KIF24: variants seen among roughly 807,000 people sequenced by gnomAD.
KIF24 encodes kinesin-like protein KIF24.
A neutral mutation model predicts 118.9 loss-of-function variants in KIF24; 81 were observed. The observed-to-expected ratio is 0.68, with a 90% CI of 0.57 to 0.82. The LOEUF (loss-of-function observed/expected upper bound fraction) is 0.82. Ranked by LOEUF, KIF24 falls within the 40% of genes least tolerant of loss-of-function variation. The pLI is 0.00. For synonymous variants in KIF24, 599 were observed against 610.0 expected (o/e 0.98, Z 0.27); for missense variants, 1,560 against 1,661.6 (o/e 0.94, Z 1.06).
chr9:34,285,220 G>A (rs1444167358), intron 6 of KIF24, among the ~76,000 whole-genome samples: 1 of 152,042 alleles, frequency 6.6e-6, no homozygotes, highest in Non-Finnish European at 1.5e-5. Context: ...AAATTCCTTT[G>A]GAAGGACACA....
At chr9:34,271,111 G>A (rs889711525) in intron 7 of KIF24, among the ~76,000 whole-genome samples, 2 of 151,932 alleles carry the variant, frequency 1.3e-5, no homozygotes, top group Non-Finnish European at 2.9e-5. Flanking sequence ...AAAGAAACAT[G>A]AGTGTCAGCT....
chr9:34,329,617 C>CCCACTTG (rs1837819787), upstream of KIF24: 1 of 152,288 alleles, frequency 6.6e-6, no homozygotes, highest in Non-Finnish European at 1.5e-5. Flanking sequence ...CCCTTAAGGG[C>CCCACTTG]CCACTTGATT....
chr9:34,321,603 CTTTTTT>C, intron 1 of KIF24, among the ~76,000 whole-genome samples: 1 of 99,234 alleles, frequency 1.0e-5, no homozygotes. Context: ...CATACTTCTT[CTTTTTT>C]TTTTTTTTTT....
At chr9:34,263,734 CTTAA>C (rs957153837) in intron 8 of KIF24, among the ~76,000 whole-genome samples, 10 of 132,414 alleles carry the variant, frequency 7.6e-5, no homozygotes, top group African/African-American at 2.6e-4. Context: ...TTATTTTTTT[CTTAA>C]TTTTTTTTTT....
intron 2 of KIF24, among the ~76,000 whole-genome samples, chr9:34,310,061 C>A (rs1349318184): frequency 6.6e-6 from 1 of 151,580 alleles, no homozygotes. Flanking sequence ...CTCTTAGGGA[C>A]CTTATTTCAA....
intron 8 of KIF24, among the ~76,000 whole-genome samples, chr9:34,264,607 T>C (rs2131685927): frequency 6.6e-6 from 1 of 152,126 alleles, no homozygotes; most frequent in African/African-American, 2.4e-5. Context: ...GTGAGGAAAT[T>C]TCCTCTTTTA....
chr9:34,280,283 CAAAAAAAAAAAAAAAAAA>C (rs56387532), intron 6 of KIF24, among the ~76,000 whole-genome samples: 1 of 64,456 alleles, frequency 1.6e-5, no homozygotes, highest in African/African-American at 8.2e-5. Flanking sequence ...GACTCCGTCT[CAAAAAAAAAAAAAAAAAA>C]AAAAAAAAAA....
intron 9 of KIF24, among the ~76,000 whole-genome samples, chr9:34,262,684 A>ATG (rs1291173579): frequency 4.2e-4 from 9 of 21,562 alleles, no homozygotes; most frequent in Non-Finnish European, 6.5e-4. Context: ...AAATATATAT[A>ATG]TATATATATA....
At position 34,318,516 on chromosome 9, in the gene KIF24, C is replaced by A; in HGVS notation, c.-25-7145G>T. 1 of 918,674 alleles carries A rather than the reference C, an allele frequency of 1.1e-6. No homozygotes were observed. The highest frequency in any genetic ancestry group is 1.7e-6 in the Non-Finnish European group (1 of 575,066). The allele number at this position is 918,674 out of a possible 1,614,324, so 56.9% of individuals were successfully genotyped here. A position where few individuals can be genotyped will look rare whatever the true frequency, so the allele number is the denominator to read the frequency against. ...CCTGGCACCGCAGAGAAGCTGAGCCCCAAGGCAGCCACGCTGGCCGAACAC... is the reference window on the plus strand; with the variant it reads ...CCTGGCACCGCAGAGAAGCTGAGCCACAAGGCAGCCACGCTGGCCGAACAC... On this transcript the variant is annotated intron_variant, in intron 1 of 12. Transcript: ENST00000402558. The surrounding 1 kb of genome is among the most constrained non-coding windows in gnomAD (Gnocchi z 4.9).
intron 7 of KIF24, among the ~76,000 whole-genome samples, chr9:34,270,264 C>T (rs1045208169): frequency 3.6e-4 from 55 of 151,632 alleles, no homozygotes; most frequent in African/African-American, 1.3e-3. Context: ...TGCCTGTAAT[C>T]CCAGCACTTT....
chr9:34,311,659 TAC>T (rs66533367), intron 1 of KIF24, among the ~76,000 whole-genome samples: 4 of 101,834 alleles, frequency 3.9e-5, no homozygotes, highest in South Asian at 3.5e-4. Context: ...TACGTGTATA[TAC>T]ATATATACGT....
chr9:34,281,428 GCT>G (rs1465392185), intron 6 of KIF24, among the ~76,000 whole-genome samples: 1 of 152,160 alleles, frequency 6.6e-6, no homozygotes, highest in African/African-American at 2.4e-5. Flanking sequence ...CTGAAATCTT[GCT>G]CTGCCAGCTG....
At chr9:34,296,321 T>C (rs1486422833) in intron 4 of KIF24, among the ~76,000 whole-genome samples, 2 of 147,770 alleles carry the variant, frequency 1.4e-5, no homozygotes, top group African/African-American at 5.0e-5. Flanking sequence ...GGTCAGGAGA[T>C]GGAGACCATC....
chr9:34,304,515 C>T (rs547965319), intron 3 of KIF24, among the ~76,000 whole-genome samples: 1 of 152,202 alleles, frequency 6.6e-6, no homozygotes, highest in South Asian at 2.1e-4. Context: ...CTTAGGTAGA[C>T]AGTGATTGGA....
intron 10 of KIF24, among the ~76,000 whole-genome samples, 162 bp downstream of exon 10, chr9:34,259,434 A>C (rs906091338): frequency 6.6e-6 from 1 of 152,236 alleles, no homozygotes; most frequent in African/African-American, 2.4e-5. Flanking sequence ...GCCAAGAACA[A>C]GGCTGTGGCG....
upstream of KIF24, among the ~76,000 whole-genome samples, chr9:34,331,766 C>G (rs1271424306): frequency 6.6e-6 from 1 of 152,206 alleles, no homozygotes; most frequent in African/African-American, 2.4e-5. Context: ...TTAGACCCAT[C>G]TGTTCATTTA....
At chr9:34,276,100 G>T (rs956351599) in intron 6 of KIF24, among the ~76,000 whole-genome samples, 1 of 151,946 alleles carries the variant, frequency 6.6e-6, no homozygotes, top group Non-Finnish European at 1.5e-5. Context: ...CATTTATTTT[G>T]CAGTGAATTA....
intron 1 of KIF24, among the ~76,000 whole-genome samples, chr9:34,324,167 CTCGTAG>C (rs1311844901): frequency 6.6e-6 from 1 of 152,140 alleles, no homozygotes; most frequent in Non-Finnish European, 1.5e-5. Flanking sequence ...TTTAGTTCAC[CTCGTAG>C]TAACACAGAC....
intron 3 of KIF24, among the ~76,000 whole-genome samples, chr9:34,302,871 G>T (rs12005786): frequency 0.024 from 3,379 of 142,966 alleles, 139 homozygotes; most frequent in African/African-American, 0.083. Flanking sequence ...CGCCTCCCGG[G>T]TTCACGCCAT....
Sources: gnomAD v4.1 joint callset for allele counts (sites outside exome capture counted in the v4.1 genomes callset) on GRCh38, gnomAD v4.1.1 for gene constraint, Gnocchi (gnomAD v3.1) non-coding constraint, MANE v1.5 for transcripts, NCBI Gene and HGNC (gene_info 2026-07-23, HGNC 2026-07-21) for gene names.